Variants in TBX1 observed in about 807,000 individuals in gnomAD.
The protein encoded by TBX1 is T-box transcription factor 1.
Under a neutral mutation model 40.8 loss-of-function variants are expected in TBX1, and 16 were observed. The observed-to-expected ratio is 0.39, with a 90% CI of 0.27 to 0.60. The LOEUF (loss-of-function observed/expected upper bound fraction) is 0.60, where lower values mean the gene tolerates loss of function less well. TBX1 is among the 20% of genes least tolerant of loss of function. The pLI is 0.51. For missense variants in TBX1, 755 were observed against 728.5 expected (o/e 1.04, Z -0.42); for synonymous variants, 403 against 336.8 (o/e 1.20, Z -2.15).
upstream of TBX1, chr22:19,759,522 G>C (rs962972004): frequency 2.6e-6 from 4 of 1,536,646 alleles, no homozygotes; most frequent in African/African-American, 1.4e-5. Flanking sequence ...CTGTCTCCCC[G>C]AGCCAGTGCG....
At chr22:19,759,477 C>T (rs1936568167), upstream of TBX1, 1 of 1,441,100 alleles carries the variant, frequency 6.9e-7, no homozygotes, top group East Asian at 2.6e-5. Context: ...CGGCGCCGGC[C>T]AGGCCGCCGG....
chr22:19,766,732 T>C lies in TBX1; in HGVS notation c.1380T>C (p.His460=), dbSNP rs367711718. The part of the protein sequence containing the change: ...LRGHGYHPHA[H]PHHHHHPVSP... ...GCCACGGCTACCACCCGCACGCGCA[T>C]CCGCACCACCACCACCACCCCGTGA... The change falls in exon 7 of 7, where the codon CAT becomes CAC. Residue 460 remains histidine, a synonymous_variant. Coordinates refer to ENST00000649276, the MANE Select transcript of TBX1 (RefSeq NM_001379200.1). The C allele has an allele frequency of 9.0e-4, 1,380 of 1,541,462 alleles. 4 individuals are homozygous for C. Among genetic ancestry groups the C allele is most frequent in the South Asian group, 1.8e-3 (154 of 85,464 alleles).
upstream of TBX1, among the ~76,000 whole-genome samples, chr22:19,758,348 A>G (rs902737287): frequency 1.3e-5 from 2 of 152,236 alleles, no homozygotes; most frequent in African/African-American, 4.8e-5. Context: ...ACAGAGGCAC[A>G]GAGCTGAGGT....
intron 8 of TBX1, chr22:19,779,154 C>T (rs1013546680): frequency 1.0e-5 from 16 of 1,580,792 alleles, no homozygotes; most frequent in Non-Finnish European, 1.4e-5. Flanking sequence ...GTCTGATCTG[C>T]AAGAAAAGAG....
chr22:19,780,790 T>G (rs1937134701), downstream of TBX1, among the ~76,000 whole-genome samples: 1 of 144,940 alleles, frequency 6.9e-6, no homozygotes, highest in Admixed American at 6.9e-5. Flanking sequence ...TTTTTTTTGT[T>G]TTTTTTTTTT....
Position 19,775,391 on chromosome 22 carries a change from A to G in TBX1, c.1010-3829A>G, listed in dbSNP as rs150225551. ...ATTACAGGAGTGAGGCGCTGCGCCC[A>G]GCCAAAATTTGTGTTTTTAAATGTA... On this transcript the variant is annotated intron_variant, in intron 8 of 8. Transcript: ENST00000329705. Among the ~76,000 whole-genome samples, 281 of 152,356 alleles carry G rather than the reference A, an allele frequency of 1.8e-3. 1 individual carries two copies. Among genetic ancestry groups the G allele is most frequent in the African/African-American group, 6.6e-3 (275 of 41,586 alleles).
intron 3 of TBX1, 22 bp from the exon 4 acceptor site, chr22:19,764,936 G>A: frequency 6.2e-7 from 1 of 1,613,810 alleles, no homozygotes; most frequent in South Asian, 1.1e-5. Flanking sequence ...CGCTGGAGCT[G>A]ATTCCCCACC....
intron 8 of TBX1, among the ~76,000 whole-genome samples, chr22:19,778,677 C>T (rs781643927): frequency 7.6e-4 from 116 of 152,272 alleles, no homozygotes; most frequent in Non-Finnish European, 1.2e-3. Context: ...TCAAATGATC[C>T]GCCTGCCTCA....
intron 4 of TBX1, 36 bp downstream of exon 4, chr22:19,765,149 C>T (rs562366568): frequency 6.2e-6 from 10 of 1,613,822 alleles, no homozygotes; most frequent in South Asian, 1.1e-5. Context: ...GCGGATTCAA[C>T]GCCTCTGGAA....
intron 1 of TBX1, 31 bp from the exon 2 acceptor site, chr22:19,763,210 C>G: frequency 6.3e-7 from 1 of 1,594,802 alleles, no homozygotes; most frequent in Non-Finnish European, 8.6e-7. Flanking sequence ...CTTCCACCAG[C>G]TAGGGTGACC....
exon 9 of TBX1, chr22:19,779,278 G>A (rs1401904007): frequency 6.2e-7 from 1 of 1,614,254 alleles, no homozygotes; most frequent in East Asian, 2.2e-5. Context: ...ACACACCAGA[G>A]AGAGAAGTGG....
chr22:19,772,235 C>T (rs888897654), downstream of TBX1, among the ~76,000 whole-genome samples: 3 of 151,576 alleles, frequency 2.0e-5, no homozygotes, highest in Admixed American at 6.6e-5. Context: ...CCCAAGTAAC[C>T]GGGATTACAG....
chr22:19,772,451 G>A (rs192182193), intron 8 of TBX1, among the ~76,000 whole-genome samples: 104 of 152,102 alleles, frequency 6.8e-4, no homozygotes, highest in Middle Eastern at 3.4e-3. Flanking sequence ...GACTACAGGC[G>A]TGTGCCACCA....
chr22:19,766,538 G>A lies in TBX1; in HGVS notation c.1186G>A (p.Gly396Ser). 1 of 1,346,390 alleles carries A rather than the reference G, an allele frequency of 7.4e-7. No individual in the cohort carries two copies. The allele number at this position is 1,346,390 out of a possible 1,614,324, so 83.4% of individuals were successfully genotyped here. Residue 396 changes from glycine (G) to serine (S), a missense_variant, in exon 7 of 7, where the codon GGC (glycine) becomes AGC (serine). Gly to Ser is a moderately conservative substitution (Grantham distance 56). Coordinates refer to ENST00000649276, the MANE Select transcript of TBX1 (RefSeq NM_001379200.1). ...CGCCGGCGGCTTAGTCCCGCTGCCC[G>A]GCGCGCCCGGAGGCCGGCCCAGTCC... ...GGAGGLVPLP[G>S]APGGRPSPPN...
At chr22:19,765,208 G>A (rs1936791905) in intron 4 of TBX1, 95 bp downstream of exon 4, 1 of 1,576,458 alleles carries the variant, frequency 6.3e-7, no homozygotes, top group Non-Finnish European at 8.7e-7. Flanking sequence ...GGTCCGCTTA[G>A]ACCTGCAGGC....
intron 3 of TBX1, 149 bp from the exon 4 acceptor site, chr22:19,764,809 T>C (rs533270168): frequency 1.0e-6 from 1 of 976,156 alleles, no homozygotes; most frequent in South Asian, 1.5e-5. Flanking sequence ...CTTGGCCCAG[T>C]GACCCAGCCT....
chr22:19,780,294 G>A (rs1937126753), downstream of TBX1, among the ~76,000 whole-genome samples: 1 of 152,042 alleles, frequency 6.6e-6, no homozygotes, highest in Non-Finnish European at 1.5e-5. Context: ...CCCTCCCCTG[G>A]CAGCCAGCAT....
At chr22:19,769,380 C>G (rs887462479), downstream of TBX1, among the ~76,000 whole-genome samples, 1 of 152,232 alleles carries the variant, frequency 6.6e-6, no homozygotes, top group African/African-American at 2.4e-5. Flanking sequence ...TGAGGGCACT[C>G]CCACGCTGGG....
intron 8 of TBX1, among the ~76,000 whole-genome samples, chr22:19,775,519 T>G (rs1002529859): frequency 6.6e-6 from 1 of 152,230 alleles, no homozygotes; most frequent in Non-Finnish European, 1.5e-5. Context: ...GCGGTGGTTT[T>G]TTAACAGGAG....
Sources: gnomAD v4.1 joint callset for allele counts (sites outside exome capture counted in the v4.1 genomes callset) on GRCh38, gnomAD v4.1.1 for gene constraint, MANE v1.5 for transcripts, NCBI Gene and HGNC (gene_info 2026-07-23, HGNC 2026-07-21) for gene names.